The following ZNF627 variants were observed in gnomAD, a reference collection of about 807,000 sequenced individuals.
The protein encoded by ZNF627 is zinc finger protein 627.
Under a neutral mutation model 10.6 loss-of-function variants are expected in ZNF627, and 12 were observed. The ratio of observed to expected loss-of-function variants is 1.13; its 90% confidence interval spans 0.73 to 1.84. The LOEUF is 1.84. Ranked by LOEUF, ZNF627 falls within the 40% of genes most tolerant of loss-of-function variation. ZNF627 has a pLI of 0.00. For missense variants in ZNF627, 504 were observed against 568.4 expected (o/e 0.89, Z 1.15); for synonymous variants, 176 against 187.1 (o/e 0.94, Z 0.48).
rs1196407106 is a variant in ZNF627, at chr19:11,617,314, C to T, written c.811C>T (p.Arg271Ter). The T allele has an allele frequency of 2.5e-6, 4 of 1,612,636 alleles. No homozygotes were observed. The highest frequency in any genetic ancestry group is 1.3e-5 in the African/African-American group (1 of 74,554). Reference sequence around the variant, plus strand: ...TTCCAAGTACATTCGAATCCATGAACGAACTCACACAGGAGAGAAACCCTA... The same window carrying T: ...TTCCAAGTACATTCGAATCCATGAATGAACTCACACAGGAGAGAAACCCTA... ...SCSKYIRIHE[R>*]THTGEKPYEC... The change falls in exon 4 of 4, where the codon CGA (arginine) becomes TGA (stop). Residue 271 changes from arginine (R) to a stop codon, truncating the protein, a stop_gained. Transcript: ENST00000361113. LOFTEE classifies it low-confidence loss of function (END_TRUNC).
rs546601404 is a variant in ZNF627 at position 11,610,075 on chromosome 19, G to A, written c.4-4452G>A. 3.7e-5 allele frequency among the ~76,000 whole-genome samples: 5 copies of A among 135,250 alleles called. No homozygotes were observed. In the East Asian group the frequency reaches 8.4e-4, roughly 23 times the overall value. The allele number at this position is 135,250 out of a possible 152,430, so 88.7% of individuals were successfully genotyped here. On this transcript the variant is annotated intron_variant, in intron 1 of 3. Coordinates refer to ENST00000361113, the MANE Select transcript of ZNF627 (RefSeq NM_145295.4). ...TTTTTTTTTTTTTTTTTTTTGAGAC[G>A]GAGTCTTGCTTTGTTGCCCAGGCTG...
chr19:11,598,330 TGAA>T (rs1163522848), intron 1 of ZNF627, among the ~76,000 whole-genome samples: 1 of 152,154 alleles, frequency 6.6e-6, no homozygotes, highest in Non-Finnish European at 1.5e-5. Context: ...GCCCAGGAGT[TGAA>T]GATCAGCCTC....
At chr19:11,599,293 C>T (rs754196485) in intron 1 of ZNF627, among the ~76,000 whole-genome samples, 22 of 152,174 alleles carry the variant, frequency 1.4e-4, no homozygotes, top group Non-Finnish European at 3.1e-4. Context: ...TCTCAAAGCT[C>T]ACCCCTGGGA....
chr19:11,605,080 C>CTTTTT (rs1006143184), intron 1 of ZNF627, among the ~76,000 whole-genome samples: 174 of 105,896 alleles, frequency 1.6e-3, no homozygotes, highest in African/African-American at 3.0e-3. Flanking sequence ...TTCTTTCTTT[C>CTTTTT]TTTTTTTTTT....
intron 3 of ZNF627, among the ~76,000 whole-genome samples, chr19:11,616,145 C>T (rs1456237738): frequency 1.3e-5 from 2 of 151,320 alleles, no homozygotes; most frequent in Non-Finnish European, 2.9e-5. Flanking sequence ...TCAAGCAATT[C>T]TCCTGCCTCA....
At chr19:11,599,726 C>CG (rs1404419011) in intron 1 of ZNF627, among the ~76,000 whole-genome samples, 1 of 151,976 alleles carries the variant, frequency 6.6e-6, no homozygotes, top group Non-Finnish European at 1.5e-5. Context: ...GCCAACATGG[C>CG]GAAACCCTGT....
At chr19:11,606,843 C>G (rs1973684288) in intron 1 of ZNF627, among the ~76,000 whole-genome samples, 1 of 152,204 alleles carries the variant, frequency 6.6e-6, no homozygotes, top group African/African-American at 2.4e-5. Flanking sequence ...TTGCACCCTC[C>G]GAAGCCATGA....
At chr19:11,611,898 C>G (rs1973776773) in intron 1 of ZNF627, among the ~76,000 whole-genome samples, 1 of 152,038 alleles carries the variant, frequency 6.6e-6, no homozygotes, top group Non-Finnish European at 1.5e-5. Flanking sequence ...GATCTACCTG[C>G]TTCTTTAAAA....
chr19:11,598,810 T>C (rs1973536511), intron 1 of ZNF627, among the ~76,000 whole-genome samples: 1 of 152,192 alleles, frequency 6.6e-6, no homozygotes, highest in Non-Finnish European at 1.5e-5. Context: ...AGAGAATACA[T>C]GTATGAGACC....
intron 1 of ZNF627, among the ~76,000 whole-genome samples, chr19:11,608,073 C>T (rs375354684): frequency 4.6e-5 from 7 of 152,090 alleles, no homozygotes; most frequent in East Asian, 3.9e-4. Context: ...TTAATCATGA[C>T]GGAAGGAAAA....
Position 11,617,201 on chromosome 19 carries a change from G to T in ZNF627, c.698G>T (p.Ser233Ile). 6.2e-7 allele frequency: 1 copy of T among 1,613,866 alleles called. No homozygotes were observed. The highest frequency in any genetic ancestry group is 2.2e-5 in the East Asian group (1 of 44,862). Reference protein sequence around the residue: ...YECKQCGKAFSCSSYIRIHER... With the variant: ...YECKQCGKAFICSSYIRIHER... Reference sequence around the variant, plus strand: ...TGCAAGCAATGTGGGAAAGCCTTCAGTTGTTCCAGTTACATTAGAATACAT... The same window carrying T: ...TGCAAGCAATGTGGGAAAGCCTTCATTTGTTCCAGTTACATTAGAATACAT... Residue 233 changes from serine (S) to isoleucine (I), a missense_variant, in exon 4 of 4, where the codon AGT becomes ATT. By Grantham distance (142) the Ser-to-Ile change is moderately radical. Coordinates refer to ENST00000361113, the MANE Select transcript of ZNF627 (RefSeq NM_145295.4).
At chr19:11,616,189 C>T (rs184764410) in intron 3 of ZNF627, among the ~76,000 whole-genome samples, 225 of 151,866 alleles carry the variant, frequency 1.5e-3, no homozygotes, top group African/African-American at 5.1e-3. Flanking sequence ...ACGCGTGCTC[C>T]ACTGCGCCTG....
chr19:11,614,356 A>G (rs1203934919), intron 1 of ZNF627, among the ~76,000 whole-genome samples, 171 bp from the exon 2 acceptor site: 2 of 152,220 alleles, frequency 1.3e-5, no homozygotes, highest in Admixed American at 6.6e-5. Context: ...TAGCAGCAGA[A>G]TTGCTTTGTG....
chr19:11,618,620 G>A lies in ZNF627; in HGVS notation c.*731G>A, dbSNP rs1194875223. 6.6e-6 allele frequency: 1 copy of A among 152,094 alleles called. No individual in the cohort carries two copies. Among genetic ancestry groups the A allele is most frequent in the African/African-American group, 2.4e-5 (1 of 41,416 alleles). 9.4% of individuals were successfully genotyped at this position (152,094 alleles called of 1,614,324 possible). On this transcript the variant is annotated 3_prime_UTR_variant, in exon 4 of 4. Transcript: ENST00000361113. ...TGCTGCTGTCAAAACCAACCAGAGG[G>A]GAGCTTGTTCTTCTGCTGTAGTGTG...
chr19:11,598,780 AT>A (rs1296589592), intron 1 of ZNF627, among the ~76,000 whole-genome samples: 1 of 152,212 alleles, frequency 6.6e-6, no homozygotes, highest in Non-Finnish European at 1.5e-5. Context: ...GTTTCTGAAC[AT>A]TTCACAGGAG....
intron 1 of ZNF627, 120 bp from the exon 2 acceptor site, chr19:11,614,407 T>C (rs1973830341): frequency 6.7e-7 from 1 of 1,488,270 alleles, no homozygotes; most frequent in Non-Finnish European, 9.1e-7. Context: ...TTGATGACTG[T>C]GGAATCTTGA....
At chr19:11,602,833 A>T (rs919171434) in intron 1 of ZNF627, among the ~76,000 whole-genome samples, 1 of 152,102 alleles carries the variant, frequency 6.6e-6, no homozygotes, top group Admixed American at 6.6e-5. Flanking sequence ...GAGAATTGAG[A>T]CCCTGGAGGA....
chr19:11,599,124 G>T (rs1973542280), intron 1 of ZNF627, among the ~76,000 whole-genome samples: 1 of 152,196 alleles, frequency 6.6e-6, no homozygotes, highest in African/African-American at 2.4e-5. Context: ...CTGGGCTTCA[G>T]GGCTGTTTGG....
intron 1 of ZNF627, among the ~76,000 whole-genome samples, chr19:11,601,863 G>A (rs1420895421): frequency 4.0e-5 from 6 of 151,732 alleles, no homozygotes; most frequent in Admixed American, 3.3e-4. Flanking sequence ...AAAATTAGCC[G>A]GGCATGGTGG....
Sources: allele counts gnomAD v4.1 joint callset (sites outside exome capture counted in the v4.1 genomes callset), GRCh38; gene constraint gnomAD v4.1.1; transcripts MANE v1.5; gene names NCBI Gene and HGNC (gene_info 2026-07-23, HGNC 2026-07-21).